Variants in NTN1 observed in about 807,000 individuals in gnomAD.
NTN1 encodes the protein netrin 1.
NTN1 carries 11 observed loss-of-function variants against 54.2 expected under a neutral mutation model. The observed-to-expected ratio is 0.20, with a 90% CI of 0.13 to 0.34. The LOEUF is 0.34. Ranked by LOEUF, NTN1 falls within the 10% of genes least tolerant of loss-of-function variation. The pLI, the probability that NTN1 is intolerant of heterozygous loss-of-function variation, is 1.00. For missense variants in NTN1, 740 were observed against 893.1 expected (o/e 0.83, Z 2.18); for synonymous variants, 371 against 382.0 (o/e 0.97, Z 0.33).
At chr17:9,038,877 G>T (rs987910715) in intron 2 of NTN1, among the ~76,000 whole-genome samples, 1 of 152,028 alleles carries the variant, frequency 6.6e-6, no homozygotes, top group African/African-American at 2.4e-5. Context: ...AGTCCACCTT[G>T]TTGCCAGAAC....
At chr17:9,204,254 C>CTCTCTCTCTCCT (rs1904900955) in intron 5 of NTN1, among the ~76,000 whole-genome samples, 1 of 142,498 alleles carries the variant, frequency 7.0e-6, no homozygotes, top group Non-Finnish European at 1.5e-5. Flanking sequence ...GTTTCTCTCT[C>CTCTCTCTCTCCT]TCTCTCTCTC....
intron 2 of NTN1, among the ~76,000 whole-genome samples, chr17:9,075,893 A>G (rs2092047836): frequency 2.0e-5 from 3 of 152,362 alleles, no homozygotes; most frequent in South Asian, 2.1e-4. Context: ...AGAATCCTCC[A>G]TGGAATCTAA....
chr17:9,057,661 A>T (rs1251945301), intron 2 of NTN1, among the ~76,000 whole-genome samples: 1 of 151,972 alleles, frequency 6.6e-6, no homozygotes. Context: ...TCTCCTTTAA[A>T]CCATCAGGCA....
At chr17:9,045,297 G>T (rs1413949210) in intron 2 of NTN1, among the ~76,000 whole-genome samples, 1 of 152,218 alleles carries the variant, frequency 6.6e-6, no homozygotes, top group Admixed American at 6.5e-5. Context: ...AAATCAGTCT[G>T]CAAGGAAAGG....
At chr17:9,158,460 C>T (rs2092349321) in intron 2 of NTN1, among the ~76,000 whole-genome samples, 1 of 152,198 alleles carries the variant, frequency 6.6e-6, no homozygotes, top group Non-Finnish European at 1.5e-5. Flanking sequence ...CCTGGGTGAT[C>T]CTTCCAGATC....
chr17:9,114,152 AG>A (rs1555569090), intron 2 of NTN1, among the ~76,000 whole-genome samples: 8,004 of 84,198 alleles, frequency 0.095, 507 homozygotes, highest in African/African-American at 0.17. Flanking sequence ...CCAAAAAAAA[AG>A]AAAAAAAAAA....
At chr17:9,168,696 A>T (rs4791340) in intron 3 of NTN1, among the ~76,000 whole-genome samples, 1 of 151,900 alleles carries the variant, frequency 6.6e-6, no homozygotes, top group African/African-American at 2.4e-5. Flanking sequence ...ATTCACAGCA[A>T]AGCAAAGTTC....
At chr17:9,010,662 G>T in the NTN1 span, among the ~76,000 whole-genome samples, 13 of 152,252 alleles carry the variant, frequency 8.5e-5, no homozygotes, top group South Asian at 1.9e-3. Flanking sequence ...TCCCACAAAT[G>T]GTTGCTTAAA....
At chr17:9,020,933 C>T (rs1796799936), upstream of NTN1, among the ~76,000 whole-genome samples, 1 of 152,154 alleles carries the variant, frequency 6.6e-6, no homozygotes, top group South Asian at 2.1e-4. Context: ...CGCCGGACCC[C>T]GGGGGCTTCG....
At chr17:9,210,490 G>C (rs1011605230) in intron 5 of NTN1, among the ~76,000 whole-genome samples, 3 of 151,888 alleles carry the variant, frequency 2.0e-5, no homozygotes, top group African/African-American at 7.3e-5. Flanking sequence ...TCCTGGGGAG[G>C]GGGTAGCACT....
At chr17:9,086,617 T>G (rs1167652199) in intron 2 of NTN1, among the ~76,000 whole-genome samples, 2 of 152,092 alleles carry the variant, frequency 1.3e-5, no homozygotes, top group Non-Finnish European at 2.9e-5. Flanking sequence ...GAAATGAAAT[T>G]ATCACCAAAC....
At chr17:9,131,113 A>G (rs2092263557) in intron 2 of NTN1, among the ~76,000 whole-genome samples, 1 of 152,170 alleles carries the variant, frequency 6.6e-6, no homozygotes, top group African/African-American at 2.4e-5. Flanking sequence ...CTCTCCTGAC[A>G]AGCATGCTAC....
chr17:9,231,714 T>C (rs1905822366), intron 6 of NTN1, among the ~76,000 whole-genome samples: 1 of 123,030 alleles, frequency 8.1e-6, no homozygotes. Flanking sequence ...TCCCGCTCTG[T>C]GGAGTGGTAT....
At chr17:9,008,821 A>T in the NTN1 span, among the ~76,000 whole-genome samples, 1 of 152,206 alleles carries the variant, frequency 6.6e-6, no homozygotes, top group African/African-American at 2.4e-5. Context: ...AGCATCACGG[A>T]GATGTTAACG....
At chr17:9,224,990 C>G (rs954638693) in intron 6 of NTN1, among the ~76,000 whole-genome samples, 5 of 152,120 alleles carry the variant, frequency 3.3e-5, no homozygotes, top group African/African-American at 9.7e-5. Context: ...TCCTGGGACT[C>G]TTGTGGTCAC....
At chr17:9,082,395 A>G (rs572946124) in intron 2 of NTN1, among the ~76,000 whole-genome samples, 46 of 152,282 alleles carry the variant, frequency 3.0e-4, no homozygotes, top group Admixed American at 1.2e-3. Context: ...TTTTGCCTCA[A>G]TCTTTTCTGG....
intron 6 of NTN1, among the ~76,000 whole-genome samples, chr17:9,234,007 C>CA (rs1905897788): frequency 6.6e-6 from 1 of 152,184 alleles, no homozygotes. Context: ...TGGCTGTAAC[C>CA]AACTCCACAC....
intron 2 of NTN1, among the ~76,000 whole-genome samples, chr17:9,132,052 C>T (rs1454356916): frequency 6.6e-6 from 1 of 151,402 alleles, no homozygotes; most frequent in African/African-American, 2.4e-5. Context: ...TGATGAATGA[C>T]TGGTGGTCTC....
chr17:9,123,890 T>G (rs1386988492), intron 2 of NTN1, among the ~76,000 whole-genome samples: 1 of 152,256 alleles, frequency 6.6e-6, no homozygotes, highest in East Asian at 1.9e-4. Context: ...TGAAGGGTTA[T>G]TCATGTTGTT....
Sources: allele counts gnomAD v4.1 joint callset (sites outside exome capture counted in the v4.1 genomes callset), GRCh38; gene constraint gnomAD v4.1.1; transcripts MANE v1.5; gene names NCBI Gene and HGNC (gene_info 2026-07-23, HGNC 2026-07-21).